Variants in ANK2 observed in about 807,000 individuals in gnomAD.
The protein encoded by ANK2 is ankyrin-2.
ANK2 carries 83 observed loss-of-function variants against 360.5 expected under a neutral mutation model. That is an observed-to-expected ratio of 0.23 (90% CI 0.19 to 0.28). The LOEUF (loss-of-function observed/expected upper bound fraction) is 0.28, where lower values mean the gene tolerates loss of function less well. ANK2 is among the 10% of genes least tolerant of loss of function. The pLI, the probability that ANK2 is intolerant of heterozygous loss-of-function variation, is 1.00. For synonymous variants in ANK2, 1,740 were observed against 1,759.5 expected, an observed-to-expected ratio of 0.99 and a Z score of 0.28; for missense variants, 4,201 against 4,795.7, an observed-to-expected ratio of 0.88 and a Z score of 3.66.
In ANK2 at chr4:113,161,841, G is replaced by C. The variant is rs143425392; in HGVS notation, c.85-12575G>C. Among the ~76,000 whole-genome samples the C allele has an allele frequency of 5.7e-3, 867 of 152,080 alleles. 11 individuals carry two copies. Among genetic ancestry groups the C allele is most frequent in the African/African-American group, 0.019 (807 of 41,474 alleles). ...TTCCCTTCCAGGGGCATTACAAGAG[G>C]CCCTTCCTTATTCCTAGGACATTCA... is the stretch of plus-strand genomic sequence containing the variant. On this transcript the variant is annotated intron_variant, in intron 1 of 45. Transcript: ENST00000357077.
chr4:112,843,860 G>C (rs1240671175), intron 1 of ANK2, among the ~76,000 whole-genome samples: 2 of 152,070 alleles, frequency 1.3e-5, no homozygotes, highest in Non-Finnish European at 2.9e-5. Context: ...CTAAATGACA[G>C]CTCTCCTGTT....
chr4:112,872,407 G>T (rs960787215), intron 1 of ANK2, among the ~76,000 whole-genome samples: 1 of 151,522 alleles, frequency 6.6e-6, no homozygotes, highest in African/African-American at 2.4e-5. Context: ...GCATGATCTC[G>T]GCTCACCACA....
chr4:112,840,997 C>A (rs1185828859), intron 1 of ANK2, among the ~76,000 whole-genome samples: 1 of 152,170 alleles, frequency 6.6e-6, no homozygotes, highest in African/African-American at 2.4e-5. Flanking sequence ...CAAAATAATA[C>A]TTTCCCTTCC....
chr4:112,960,112 A>G (rs13126708), intron 2 of ANK2, among the ~76,000 whole-genome samples: 9 of 152,230 alleles, frequency 5.9e-5, no homozygotes, highest in Admixed American at 5.9e-4. Flanking sequence ...TTCAAGCCAA[A>G]CAACTCAGAT....
At chr4:112,757,119 T>C in the ANK2 span, among the ~76,000 whole-genome samples, 16 of 150,894 alleles carry the variant, frequency 1.1e-4, no homozygotes, top group Middle Eastern at 3.2e-3. Flanking sequence ...TTTCTTTTTT[T>C]TTTTTTTTTT....
chr4:113,296,833 C>T (rs1222371614), intron 22 of ANK2, among the ~76,000 whole-genome samples: 2 of 152,170 alleles, frequency 1.3e-5, no homozygotes, highest in African/African-American at 2.4e-5. Context: ...ACATATGACT[C>T]ATCCTTCCGC....
At chr4:112,713,437 C>T in the ANK2 span, among the ~76,000 whole-genome samples, 1 of 152,110 alleles carries the variant, frequency 6.6e-6, no homozygotes, top group Non-Finnish European at 1.5e-5. Flanking sequence ...GGCGTGGTGG[C>T]GCATGCCTGT....
chr4:112,810,155 ATATATTTTTTTTT>A, the ANK2 span, among the ~76,000 whole-genome samples: 60 of 23,320 alleles, frequency 2.6e-3, no homozygotes, highest in African/African-American at 0.012. Context: ...ATATATATAT[ATATATTTTTTTTT>A]TTTTTTTTTT....
Position 112,941,355 on chromosome 4 carries a change from TA to T in ANK2, c.21+36844del, listed in dbSNP as rs1241440063. On this transcript the variant is annotated intron_variant, in intron 2 of 30. Transcript: ENST00000503271. ...ATACTACATATAAAAAGTTATATAT[TA>T]AATATATTATATATAATATACATAT... Among the ~76,000 whole-genome samples the T allele has an allele frequency of 4.6e-4, 67 of 146,006 alleles. No individual in the cohort carries two copies. In the South Asian group the frequency reaches 0.014, roughly 31 times the overall value.
intron 23 of ANK2, among the ~76,000 whole-genome samples, chr4:113,304,628 T>C (rs140096911): frequency 2.0e-5 from 3 of 152,304 alleles, no homozygotes; most frequent in East Asian, 3.9e-4. Context: ...TTAGTTGACA[T>C]TGAGCTAGTG....
At chr4:112,733,537 AC>A in the ANK2 span, among the ~76,000 whole-genome samples, 1 of 152,200 alleles carries the variant, frequency 6.6e-6, no homozygotes, top group Non-Finnish European at 1.5e-5. Context: ...CTAATAACTT[AC>A]CATGACTTTG....
chr4:113,343,175 T>C lies in ANK2; in HGVS notation c.4248+33T>C, dbSNP rs538281273. On this transcript the variant is annotated intron_variant, in intron 34 of 45. Coordinates refer to ENST00000357077, the MANE Select transcript of ANK2 (RefSeq NM_001148.6). ...ATACATGGAATTTTGTGATGCATTTTTTTCAAGATCAAGGCAGAATTTGAC... is the reference window on the plus strand; with the variant it reads ...ATACATGGAATTTTGTGATGCATTTCTTTCAAGATCAAGGCAGAATTTGAC... 10 of 1,609,242 alleles carry C rather than the reference T, an allele frequency of 6.2e-6. No individual in the cohort carries two copies. In the South Asian group the frequency reaches 9.9e-5, roughly 16 times the overall value.
the ANK2 span, among the ~76,000 whole-genome samples, chr4:112,710,941 T>A: frequency 1.2e-5 from 1 of 85,410 alleles, no homozygotes; most frequent in South Asian, 3.7e-4. Context: ...ATGATTACAT[T>A]TATATTTATT....
chr4:113,052,755 G>A (rs773614169), intron 1 of ANK2, among the ~76,000 whole-genome samples: 8 of 152,156 alleles, frequency 5.3e-5, no homozygotes, highest in Non-Finnish European at 1.5e-5. Context: ...GCCGCGAGGA[G>A]GATACACATC....
At position 113,174,905 on chromosome 4, in the gene ANK2, C is replaced by G. The variant is rs28369195; in HGVS notation, c.186+388C>G. On this transcript the variant is annotated intron_variant, in intron 2 of 45. Coordinates refer to ENST00000357077, the MANE Select transcript of ANK2 (RefSeq NM_001148.6). ...AAACTGATTATTACAATTTAGTATA[C>G]AGAAATAAGAGGATAAAATGTTCTC... 2.1e-3 allele frequency among the ~76,000 whole-genome samples: 317 copies of G among 152,056 alleles called. 2 individuals are homozygous for G. The highest frequency in any genetic ancestry group is 7.4e-3 in the African/African-American group (306 of 41,464).
chr4:112,872,757 A>G (rs35196538), intron 1 of ANK2, among the ~76,000 whole-genome samples: 2,356 of 152,074 alleles, frequency 0.015, 31 homozygotes, highest in Non-Finnish European at 0.025. Context: ...CTCCTCTTCT[A>G]TTTTTTGGGA....
At position 113,237,127 on chromosome 4, in the gene ANK2, C is replaced by T. The variant is rs774569567; in HGVS notation, c.624C>T (p.Ala208=). ...CTAGGAAAGACGACACCAAATCTGC[C>T]GCACTTCTGCTTCAGAATGACCACA... ...IAARKDDTKS[A]ALLLQNDHNA... Residue 208 remains alanine (A), a synonymous_variant, in exon 6 of 46, where the codon GCC becomes GCT. Coordinates refer to ENST00000357077, the MANE Select transcript of ANK2 (RefSeq NM_001148.6). 3.7e-5 allele frequency: 59 copies of T among 1,613,966 alleles called. No homozygotes were observed. Among genetic ancestry groups the T allele is most frequent in the Admixed American group, 1.7e-5 (1 of 59,996 alleles).
intron 34 of ANK2, among the ~76,000 whole-genome samples, chr4:113,344,680 A>G (rs2094637055): frequency 6.6e-6 from 1 of 152,170 alleles, no homozygotes; most frequent in Admixed American, 6.5e-5. Flanking sequence ...TACACATGCA[A>G]TGGAATACTA....
At chr4:112,929,505 A>C (rs1350099991) in intron 2 of ANK2, among the ~76,000 whole-genome samples, 3 of 152,160 alleles carry the variant, frequency 2.0e-5, no homozygotes, top group African/African-American at 7.2e-5. Context: ...ATCTTCATCC[A>C]TTTTGAGGAT....
Sources: gnomAD v4.1 joint callset for allele counts (sites outside exome capture counted in the v4.1 genomes callset) on GRCh38, gnomAD v4.1.1 for gene constraint, MANE v1.5 for transcripts, NCBI Gene and HGNC (gene_info 2026-07-23, HGNC 2026-07-21) for gene names.